RBFOX1: variants seen among roughly 807,000 people sequenced by gnomAD.
RBFOX1 encodes RNA binding fox-1 homolog 1, also known as RNA binding protein fox-1 homolog 1.
RBFOX1 carries 8 observed loss-of-function variants against 57.7 expected under a neutral mutation model. That is an observed-to-expected ratio of 0.14 (90% CI 0.08 to 0.25). The LOEUF (loss-of-function observed/expected upper bound fraction) is 0.25. Ranked by LOEUF, RBFOX1 falls within the 10% of genes least tolerant of loss-of-function variation. The pLI, the probability that RBFOX1 is intolerant of heterozygous loss-of-function variation, is 1.00. For missense variants in RBFOX1, 611 were observed against 548.5 expected (o/e 1.11, Z -1.14); for synonymous variants, 326 against 222.4 (o/e 1.47, Z -4.15).
At chr16:7,124,777 C>T (rs1273870152) in intron 4 of RBFOX1, among the ~76,000 whole-genome samples, 2 of 151,992 alleles carry the variant, frequency 1.3e-5, no homozygotes, top group African/African-American at 2.4e-5. Context: ...AGGAATGCTG[C>T]ACTTCCAATG....
intron 3 of RBFOX1, among the ~76,000 whole-genome samples, chr16:6,829,061 C>A (rs564647655): frequency 6.6e-6 from 1 of 152,020 alleles, no homozygotes; most frequent in African/African-American, 2.4e-5. Context: ...GGACACCTGC[C>A]GGGATCAGGG....
chr16:7,588,361 A>T (rs1258260466), intron 7 of RBFOX1, among the ~76,000 whole-genome samples: 3 of 152,076 alleles, frequency 2.0e-5, no homozygotes, highest in African/African-American at 4.8e-5. Context: ...TGAATTCAAA[A>T]CTCCCAAGTT....
At chr16:7,291,906 T>C (rs957084941) in intron 4 of RBFOX1, among the ~76,000 whole-genome samples, 1 of 81,578 alleles carries the variant, frequency 1.2e-5, no homozygotes, top group Non-Finnish European at 2.4e-5. Context: ...CTATATAATG[T>C]ATTATATATA....
chr16:7,001,531 G>T (rs12597338), intron 3 of RBFOX1, among the ~76,000 whole-genome samples: 1 of 151,586 alleles, frequency 6.6e-6, no homozygotes, highest in East Asian at 1.9e-4. Flanking sequence ...ATCTCAACTC[G>T]TTGCAACCTC....
intron 1 of RBFOX1, among the ~76,000 whole-genome samples, chr16:6,065,073 G>C (rs899478748): frequency 1.5e-4 from 22 of 150,996 alleles, no homozygotes; most frequent in Admixed American, 2.6e-4. Flanking sequence ...TGTCACCCAG[G>C]CTAGAGTATA....
chr16:6,782,831 T>C (rs1002660291), intron 3 of RBFOX1, among the ~76,000 whole-genome samples: 5 of 152,220 alleles, frequency 3.3e-5, no homozygotes, highest in African/African-American at 4.8e-5. Context: ...GTATGTTAAC[T>C]TAGCATTCCC....
chr16:5,523,865 G>A (rs1320083291), intron 2 of RBFOX1, among the ~76,000 whole-genome samples: 1 of 152,192 alleles, frequency 6.6e-6, no homozygotes, highest in African/African-American at 2.4e-5. Context: ...TGTCCTTGGG[G>A]CAGCATGGAG....
chr16:6,845,017 T>A (rs2093682831), intron 3 of RBFOX1, among the ~76,000 whole-genome samples: 1 of 152,170 alleles, frequency 6.6e-6, no homozygotes, highest in African/African-American at 2.4e-5. Context: ...CTTTGCCCAC[T>A]TTTTCATGGG....
At chr16:6,695,967 A>G (rs2060980448) in intron 3 of RBFOX1, among the ~76,000 whole-genome samples, 1 of 152,190 alleles carries the variant, frequency 6.6e-6, no homozygotes, top group African/African-American at 2.4e-5. Context: ...ATAAGCTTTT[A>G]AAGAGATGTA....
At chr16:7,379,953 C>A (rs1227653144) in intron 4 of RBFOX1, among the ~76,000 whole-genome samples, 2 of 152,168 alleles carry the variant, frequency 1.3e-5, no homozygotes, top group African/African-American at 4.8e-5. Flanking sequence ...CTCCTGGGTT[C>A]AAGCACAATC....
intron 4 of RBFOX1, among the ~76,000 whole-genome samples, chr16:7,348,045 C>A (rs1164400797): frequency 6.6e-6 from 1 of 152,200 alleles, no homozygotes; most frequent in Non-Finnish European, 1.5e-5. Flanking sequence ...AGCTCGTTGC[C>A]TCCTTTGACT....
At chr16:7,004,491 G>T (rs1046410491) in intron 3 of RBFOX1, among the ~76,000 whole-genome samples, 1 of 152,136 alleles carries the variant, frequency 6.6e-6, no homozygotes, top group Non-Finnish European at 1.5e-5. Flanking sequence ...AGGTTTGGAG[G>T]ATCAGTAAGT....
chr16:5,993,630 C>G (rs1465540128), intron 4 of RBFOX1, among the ~76,000 whole-genome samples: 1 of 152,054 alleles, frequency 6.6e-6, no homozygotes, highest in Non-Finnish European at 1.5e-5. Flanking sequence ...ATTAATGAGG[C>G]ATTAGTTCTC....
chr16:5,838,039 T>C (rs927699121), intron 3 of RBFOX1: 1 of 152,124 alleles, frequency 6.6e-6, no homozygotes, highest in African/African-American at 2.4e-5. Context: ...TGCTGCATAA[T>C]TTTTTTTGGC....
intron 2 of RBFOX1, among the ~76,000 whole-genome samples, chr16:6,528,509 A>G (rs1460386103): frequency 6.6e-6 from 1 of 152,236 alleles, no homozygotes; most frequent in African/African-American, 2.4e-5. Flanking sequence ...AATGGTGAAC[A>G]GCTGGGCAAA....
chr16:6,351,423 G>T (rs1475534109), intron 2 of RBFOX1, among the ~76,000 whole-genome samples: 1 of 141,574 alleles, frequency 7.1e-6, no homozygotes, highest in African/African-American at 2.6e-5. Flanking sequence ...GCCCAGGCTG[G>T]AGTGCAGTGG....
chr16:5,245,756 A>C lies in RBFOX1; in HGVS notation c.219+5651A>C, dbSNP rs1458090713. Among the ~76,000 whole-genome samples, 12 of 150,426 alleles carry C rather than the reference A, an allele frequency of 8.0e-5. No individual in the cohort carries two copies. The Admixed American group carries it at 8.0e-4, about 10-fold the overall frequency. Reference sequence around the variant, plus strand: ...CATTTTTAAATATTAATTTTTATGAAATATTTTCAAACACATTTTACTATA... The same window carrying C: ...CATTTTTAAATATTAATTTTTATGACATATTTTCAAACACATTTTACTATA... On this transcript the variant is annotated intron_variant, in intron 1 of 2. Coordinates refer to the RBFOX1 transcript ENST00000585867.
intron 3 of RBFOX1, among the ~76,000 whole-genome samples, chr16:6,910,526 T>C (rs2071297294): frequency 6.6e-6 from 1 of 152,202 alleles, no homozygotes; most frequent in Non-Finnish European, 1.5e-5. Flanking sequence ...CTTTTCCTTG[T>C]AGTTCTGGAG....
chr16:6,158,097 C>T (rs1299005851), intron 1 of RBFOX1, among the ~76,000 whole-genome samples: 2 of 152,126 alleles, frequency 1.3e-5, no homozygotes, highest in Admixed American at 1.3e-4. Context: ...CGAGATAAAA[C>T]CCGAACGCTT....
Sources: allele counts gnomAD v4.1 joint callset (sites outside exome capture counted in the v4.1 genomes callset), GRCh38; gene constraint gnomAD v4.1.1; transcripts MANE v1.5; gene names NCBI Gene and HGNC (gene_info 2026-07-23, HGNC 2026-07-21).